LRP1B: variants seen among roughly 807,000 people sequenced by gnomAD.
The protein encoded by LRP1B is low-density lipoprotein receptor-related protein 1B.
LRP1B carries 217 observed loss-of-function variants against 556.6 expected under a neutral mutation model. That is an observed-to-expected ratio of 0.39 (90% CI 0.35 to 0.44). The LOEUF (loss-of-function observed/expected upper bound fraction) is 0.44, where lower values mean the gene tolerates loss of function less well. Ranked by LOEUF, LRP1B falls within the 20% of genes least tolerant of loss-of-function variation. The probability of loss-of-function intolerance (pLI) is 1.00; values close to 1 mark genes in which losing one functional copy is unlikely to be tolerated. For synonymous variants in LRP1B, 2,047 were observed against 1,865.8 expected, an observed-to-expected ratio of 1.10 and a Z score of -2.50; for missense variants, 5,053 against 5,620.8, an observed-to-expected ratio of 0.90 and a Z score of 3.23.
chr2:141,866,745 A>G (rs1213079856), intron 1 of LRP1B, among the ~76,000 whole-genome samples: 2 of 151,932 alleles, frequency 1.3e-5, no homozygotes, highest in African/African-American at 4.8e-5. Context: ...AGAAAGAAGG[A>G]GAGGAAACAA....
intron 3 of LRP1B, among the ~76,000 whole-genome samples, chr2:141,479,906 C>A (rs1250356727): frequency 6.6e-6 from 1 of 151,864 alleles, no homozygotes; most frequent in Non-Finnish European, 1.5e-5. Context: ...GACAAAATTA[C>A]AAGAAAGTTA....
chr2:141,061,912 C>T (rs752934110), intron 8 of LRP1B, 139 bp downstream of exon 8: 7 of 664,406 alleles, frequency 1.1e-5, no homozygotes, highest in Non-Finnish European at 1.8e-5. Context: ...AAAGAACATT[C>T]TCCAATATAG....
intron 7 of LRP1B, among the ~76,000 whole-genome samples, chr2:141,104,007 C>T (rs898198865): frequency 3.0e-4 from 46 of 151,712 alleles, no homozygotes; most frequent in African/African-American, 9.7e-4. Flanking sequence ...TAGTTTCTTG[C>T]GGTAGTTTAA....
chr2:141,370,769 C>T (rs556749843), intron 3 of LRP1B, among the ~76,000 whole-genome samples: 14 of 152,014 alleles, frequency 9.2e-5, no homozygotes, highest in African/African-American at 1.4e-4. Flanking sequence ...AATATGTTTA[C>T]GGTTTCAGGT....
chr2:140,600,932 T>C (rs1488962877), intron 42 of LRP1B, among the ~76,000 whole-genome samples: 5 of 151,810 alleles, frequency 3.3e-5, no homozygotes, highest in Non-Finnish European at 7.4e-5. Context: ...CTGTACAATA[T>C]ATCATCAAAC....
chr2:141,682,078 G>T (rs1342239949), intron 2 of LRP1B, among the ~76,000 whole-genome samples: 1 of 152,024 alleles, frequency 6.6e-6, no homozygotes, highest in African/African-American at 2.4e-5. Context: ...TAAAATAAGA[G>T]AAAAGTAAGG....
At chr2:140,646,836 A>C (rs1464121751) in intron 41 of LRP1B, among the ~76,000 whole-genome samples, 1 of 152,088 alleles carries the variant, frequency 6.6e-6, no homozygotes. Context: ...ATCTGTATAG[A>C]TGTATGTAAT....
intron 25 of LRP1B, among the ~76,000 whole-genome samples, chr2:140,870,548 G>A (rs1406721797): frequency 6.6e-6 from 1 of 152,022 alleles, no homozygotes; most frequent in East Asian, 1.9e-4. Flanking sequence ...TTTATTTCAG[G>A]ACACTTGAAC....
At chr2:140,906,972 T>TTAA (rs540356126) in intron 22 of LRP1B, among the ~76,000 whole-genome samples, 11 of 142,732 alleles carry the variant, frequency 7.7e-5, no homozygotes, top group Non-Finnish European at 1.2e-4. Flanking sequence ...CCACATATGG[T>TTAA]AAAAAAAAAA....
At chr2:141,909,526 ATTTTTTTTTTTTTTTT>A (rs377577096) in intron 1 of LRP1B, among the ~76,000 whole-genome samples, 13,820 of 94,644 alleles carry the variant, frequency 0.15, 1,112 homozygotes, top group African/African-American at 0.31. Context: ...GGTCTCAGAC[ATTTTTTTTTTTTTTTT>A]TTTTTTTTTT....
intron 2 of LRP1B, among the ~76,000 whole-genome samples, chr2:141,671,262 C>T (rs1370102187): frequency 2.0e-5 from 3 of 152,084 alleles, no homozygotes; most frequent in African/African-American, 4.8e-5. Flanking sequence ...ATTGCAAATA[C>T]GGCTAGAAAA....
At chr2:142,037,686 T>G (rs1703931644) in intron 1 of LRP1B, among the ~76,000 whole-genome samples, 1 of 151,658 alleles carries the variant, frequency 6.6e-6, no homozygotes, top group South Asian at 2.1e-4. Context: ...TGTTTGTGAC[T>G]TTAAGAAAGT....
At chr2:142,021,517 G>A (rs1300606975) in intron 1 of LRP1B, among the ~76,000 whole-genome samples, 1 of 151,940 alleles carries the variant, frequency 6.6e-6, no homozygotes, top group Non-Finnish European at 1.5e-5. Flanking sequence ...TTGTTATTTT[G>A]TGAATATCAC....
intron 17 of LRP1B, among the ~76,000 whole-genome samples, chr2:140,986,364 A>G (rs35840917): frequency 0.32 from 49,298 of 151,914 alleles, 8,482 homozygotes; most frequent in East Asian, 0.58. Flanking sequence ...TAGATTATCA[A>G]CATAGAAATA....
At chr2:140,352,835 ATTAAAAGTATTTTAT>A in intron 76 of LRP1B, 103 bp downstream of exon 76, 1 of 1,004,466 alleles carries the variant, frequency 1.0e-6, no homozygotes, top group African/African-American at 1.6e-5. Context: ...ATTAATCATC[ATTAAAAGTATTTTAT>A]CAGAAATGAA....
chr2:140,433,062 A>ACTT lies in LRP1B; in HGVS notation c.10414+9439_10414+9441dup, dbSNP rs1686021803. On this transcript the variant is annotated intron_variant, in intron 66 of 90. Coordinates refer to ENST00000389484, the MANE Select transcript of LRP1B (RefSeq NM_018557.3). ...TGGTAATAGAGGAAATTAGATTAAA[A>ACTT]CTTTAGAAGTGTCTCCAACAAGTTG... 6.6e-5 allele frequency among the ~76,000 whole-genome samples: 10 copies of ACTT among 152,266 alleles called. 3 individuals are homozygous for ACTT. The Middle Eastern group carries it at 0.031, about 466-fold the overall frequency.
At chr2:142,104,412 G>T (rs545462331) in intron 1 of LRP1B, among the ~76,000 whole-genome samples, 2 of 152,168 alleles carry the variant, frequency 1.3e-5, no homozygotes, top group South Asian at 2.1e-4. Context: ...TTGCAGAGGG[G>T]TTTATTGTGC....
chr2:140,981,358 T>G (rs1370347179), intron 18 of LRP1B, among the ~76,000 whole-genome samples: 1 of 152,136 alleles, frequency 6.6e-6, no homozygotes, highest in Non-Finnish European at 1.5e-5. Context: ...TATTATATTT[T>G]AATAAATATG....
chr2:140,634,934 T>C (rs920950362), intron 41 of LRP1B, among the ~76,000 whole-genome samples: 1 of 151,932 alleles, frequency 6.6e-6, no homozygotes, highest in African/African-American at 2.4e-5. Context: ...ATTAAAGAAA[T>C]CAAAGAAAAC....
Sources: gnomAD v4.1 joint callset for allele counts (sites outside exome capture counted in the v4.1 genomes callset) on GRCh38, gnomAD v4.1.1 for gene constraint, MANE v1.5 for transcripts, NCBI Gene and HGNC (gene_info 2026-07-23, HGNC 2026-07-21) for gene names.